The following SYN3 variants were observed in gnomAD, a reference collection of about 807,000 sequenced individuals.
SYN3 encodes synapsin-3.
Under a neutral mutation model 65.8 loss-of-function variants are expected in SYN3, and 35 were observed. The ratio of observed to expected loss-of-function variants is 0.53; its 90% CI spans 0.41 to 0.70. SYN3 has a LOEUF of 0.70. Ranked by LOEUF, SYN3 falls within the 30% of genes least tolerant of loss-of-function variation. SYN3 has a pLI of 0.00. For synonymous variants in SYN3, 270 were observed against 292.9 expected, an observed-to-expected ratio of 0.92 and a Z score of 0.80; for missense variants, 680 against 749.0, an observed-to-expected ratio of 0.91 and a Z score of 1.08.
At chr22:32,889,124 C>T (rs529178268) in intron 4 of SYN3, among the ~76,000 whole-genome samples, 1 of 152,336 alleles carries the variant, frequency 6.6e-6, no homozygotes, top group Non-Finnish European at 1.5e-5. Context: ...TCTATTAGTG[C>T]CTGTGTCAGC....
chr22:32,891,589 G>A (rs762423339), intron 4 of SYN3, among the ~76,000 whole-genome samples: 2 of 152,126 alleles, frequency 1.3e-5, no homozygotes, highest in African/African-American at 4.8e-5. Flanking sequence ...ATCCGACTTC[G>A]GTTCATATCC....
In SYN3 at chr22:32,950,156, CAGAG is replaced by C. The variant is rs71758631; in HGVS notation, c.370-18679_370-18676del. Among the ~76,000 whole-genome samples, 1,489 of 152,214 alleles carry C rather than the reference CAGAG, an allele frequency of 9.8e-3. 22 individuals are homozygous for C. The highest frequency in any genetic ancestry group is 0.034 in the African/African-American group (1,422 of 41,518). ...GCACTTGCATATTTTGCAGGAGAAA[CAGAG>C]AGAGAAAAAGAGACAGAGAGGAGAC... is the stretch of plus-strand genomic sequence containing the variant. On this transcript the variant is annotated intron_variant, in intron 3 of 13. Transcript: ENST00000358763.
At chr22:32,773,383 G>A (rs997780280) in intron 6 of SYN3, among the ~76,000 whole-genome samples, 2 of 138,134 alleles carry the variant, frequency 1.4e-5, no homozygotes, top group African/African-American at 2.8e-5. Context: ...CTCCAGTCTG[G>A]GCAACGGAGC....
chr22:32,978,467 C>T (rs894639046), intron 3 of SYN3, among the ~76,000 whole-genome samples: 45 of 152,118 alleles, frequency 3.0e-4, no homozygotes, highest in African/African-American at 9.7e-4. Context: ...TTCCCTGTCA[C>T]TCCATACCCT....
At chr22:32,960,958 G>A (rs1394328642) in intron 3 of SYN3, among the ~76,000 whole-genome samples, 3 of 152,208 alleles carry the variant, frequency 2.0e-5, no homozygotes, top group African/African-American at 4.8e-5. Context: ...AGTTTCTCCA[G>A]AGTGAAGCCC....
chr22:32,952,446 G>C (rs895321439), intron 3 of SYN3, among the ~76,000 whole-genome samples: 1 of 152,056 alleles, frequency 6.6e-6, no homozygotes, highest in African/African-American at 2.4e-5. Flanking sequence ...ATTAGGATGG[G>C]TTTGCCACAT....
chr22:32,814,936 G>A (rs1569245961), intron 6 of SYN3, among the ~76,000 whole-genome samples: 3 of 152,028 alleles, frequency 2.0e-5, no homozygotes, highest in East Asian at 1.9e-4. Context: ...AACCCAATAT[G>A]TATAAAATAT....
chr22:33,038,056 A>G (rs1379388327), intron 1 of SYN3, among the ~76,000 whole-genome samples: 1 of 151,978 alleles, frequency 6.6e-6, no homozygotes, highest in Non-Finnish European at 1.5e-5. Context: ...AAAGAACTAG[A>G]TTAAAAGAAT....
intron 12 of SYN3, 111 bp downstream of exon 12, chr22:32,527,807 T>A: frequency 1.1e-6 from 1 of 872,938 alleles, no homozygotes; most frequent in Non-Finnish European, 1.8e-6. Context: ...GTGGATAAAG[T>A]ATTCAGGTGC....
rs2060472073 is a variant in SYN3, at chr22:32,678,143, T to A, written c.712-81407A>T. ...TAGGAACTGGCCCAATCTGGGGAGATTCGTGGCTGAATTCAGGCTGGGATT... is the reference window on the plus strand; with the variant it reads ...TAGGAACTGGCCCAATCTGGGGAGAATCGTGGCTGAATTCAGGCTGGGATT... On this transcript the variant is annotated intron_variant, in intron 6 of 13. Coordinates refer to ENST00000358763, the MANE Select transcript of SYN3 (RefSeq NM_003490.4). 3.3e-5 allele frequency among the ~76,000 whole-genome samples: 5 copies of A among 152,182 alleles called. No individual in the cohort carries two copies. In the South Asian group the frequency reaches 1.0e-3, roughly 32 times the overall value.
At chr22:32,538,668 C>A (rs1238056048) in intron 8 of SYN3, among the ~76,000 whole-genome samples, 2 of 152,162 alleles carry the variant, frequency 1.3e-5, no homozygotes, top group Admixed American at 6.5e-5. Flanking sequence ...TGCAGGTCTT[C>A]TTCCCTTTAC....
At chr22:32,588,789 C>A (rs1446191081) in intron 7 of SYN3, among the ~76,000 whole-genome samples, 2 of 152,198 alleles carry the variant, frequency 1.3e-5, no homozygotes, top group Non-Finnish European at 2.9e-5. Flanking sequence ...TGGCCTTGAG[C>A]TTAATTTCTA....
At chr22:32,581,285 T>C (rs1166456582) in intron 7 of SYN3, among the ~76,000 whole-genome samples, 1 of 152,108 alleles carries the variant, frequency 6.6e-6, no homozygotes, top group Non-Finnish European at 1.5e-5. Flanking sequence ...AATTTTTATG[T>C]TTTTAGCAGA....
At position 33,036,678 on chromosome 22, in the gene SYN3, CTTTTTTTTTTTTTTTTT is replaced by C. The variant is rs133977; in HGVS notation, c.-163+21597_-163+21613del. Among the ~76,000 whole-genome samples, 7 of 99,530 alleles carry C rather than the reference CTTTTTTTTTTTTTTTTT, an allele frequency of 7.0e-5. No individual in the cohort carries two copies. The East Asian group carries it at 9.6e-4, about 14-fold the overall frequency. 65.3% of individuals were successfully genotyped at this position (99,530 alleles called of 152,430 possible). A position where few individuals can be genotyped will look rare whatever the true frequency, so the allele number is the denominator to read the frequency against. On this transcript the variant is annotated intron_variant, in intron 1 of 13. Coordinates refer to ENST00000358763, the MANE Select transcript of SYN3 (RefSeq NM_003490.4). ...TTTTAAATGCTGTAAAGCCCAAGTT[CTTTTTTTTTTTTTTTTT>C]TTTTTTTTTTTTTGAGACAGAGTTG...
chr22:32,876,682 G>T (rs943884436), intron 4 of SYN3, among the ~76,000 whole-genome samples: 3 of 151,092 alleles, frequency 2.0e-5, no homozygotes, highest in African/African-American at 7.3e-5. Flanking sequence ...AATGGAAAAT[G>T]AAACAGTGGA....
At chr22:32,652,318 T>C (rs2060083066) in intron 6 of SYN3, among the ~76,000 whole-genome samples, 1 of 151,400 alleles carries the variant, frequency 6.6e-6, no homozygotes, top group Non-Finnish European at 1.5e-5. Context: ...CCACGAGCCA[T>C]GACATGCTTC....
At position 33,006,381 on chromosome 22, in the gene SYN3, C is replaced by G; in HGVS notation, c.282G>C (p.Leu94=). 1.2e-6 allele frequency: 2 copies of G among 1,613,492 alleles called. No homozygotes were observed. The highest frequency in any genetic ancestry group is 1.1e-5 in the South Asian group (1 of 91,006). ...STPIVQRPRI[L]LVIDDAHTDW... The stretch of plus-strand genomic sequence containing the variant: ...CTGTATGGGCATCATCGATCACCAA[C>G]AGGATCCTGGGTCTTTGAACAATGG... The change falls in exon 2 of 14, where the codon CTG becomes CTC. Residue 94 remains leucine (L), a synonymous_variant. Transcript: ENST00000358763.
chr22:32,572,815 T>G (rs560776821), intron 7 of SYN3, among the ~76,000 whole-genome samples: 1 of 152,270 alleles, frequency 6.6e-6, no homozygotes, highest in South Asian at 2.1e-4. Context: ...CTTCCACTCC[T>G]CTGTTCCCCA....
chr22:32,533,934 A>G (rs1268610418), intron 9 of SYN3, 39 bp from the exon 10 acceptor site: 2 of 1,462,786 alleles, frequency 1.4e-6, no homozygotes, highest in Non-Finnish European at 1.9e-6. Context: ...GTGGCCTGGG[A>G]AAGTGGGGAA....
Sources: allele counts gnomAD v4.1 joint callset (sites outside exome capture counted in the v4.1 genomes callset), GRCh38; gene constraint gnomAD v4.1.1; transcripts MANE v1.5; gene names NCBI Gene and HGNC (gene_info 2026-07-23, HGNC 2026-07-21).